Variants in NRG1 observed in about 807,000 individuals in gnomAD.
NRG1 encodes the protein neuregulin 1.
In NRG1, 18 loss-of-function variants were observed where a neutral mutation model predicts 63.8. That is an observed-to-expected ratio of 0.28 (90% CI 0.19 to 0.42). The LOEUF (loss-of-function observed/expected upper bound fraction) is 0.42, where lower values mean the gene tolerates loss of function less well. NRG1 is among the 10% of genes least tolerant of loss of function. NRG1 has a pLI of 1.00. For missense variants in NRG1, 762 were observed against 814.7 expected, an observed-to-expected ratio of 0.94 and a Z score of 0.79; for synonymous variants, 302 against 301.3, an observed-to-expected ratio of 1.00 and a Z score of -0.02.
At chr8:31,941,946 T>C (rs1275366914) in intron 1 of NRG1, among the ~76,000 whole-genome samples, 1 of 152,164 alleles carries the variant, frequency 6.6e-6, no homozygotes, top group Non-Finnish European at 1.5e-5. Flanking sequence ...ATTAATATTG[T>C]GAAAATGACC....
At chr8:32,764,258 C>A in exon 12 of NRG1, 2 of 1,614,070 alleles carry the variant, frequency 1.2e-6, no homozygotes, top group Non-Finnish European at 1.7e-6. Flanking sequence ...GCATACAGAA[C>A]CCCCTGGCAG....
chr8:32,315,162 T>C (rs1015931472), intron 1 of NRG1, among the ~76,000 whole-genome samples: 2 of 152,186 alleles, frequency 1.3e-5, no homozygotes, highest in Non-Finnish European at 1.5e-5. Flanking sequence ...CCATGGTGTT[T>C]TGCTGCCCCT....
chr8:32,171,880 C>T (rs1429748492), intron 1 of NRG1, among the ~76,000 whole-genome samples: 1 of 152,186 alleles, frequency 6.6e-6, no homozygotes, highest in Non-Finnish European at 1.5e-5. Context: ...AACCGCAGCT[C>T]AAGGAGGCCT....
At chr8:32,028,000 C>T (rs1331397350) in intron 1 of NRG1, among the ~76,000 whole-genome samples, 1 of 152,060 alleles carries the variant, frequency 6.6e-6, no homozygotes, top group Non-Finnish European at 1.5e-5. Context: ...TTTATTTTTC[C>T]CTCTATTTCA....
chr8:31,768,635 C>T (rs1482736091), intron 1 of NRG1, among the ~76,000 whole-genome samples: 4 of 152,180 alleles, frequency 2.6e-5, no homozygotes, highest in Non-Finnish European at 5.9e-5. Context: ...ACCATAGTTT[C>T]TCATGTTATG....
chr8:31,868,146 TTACACACACACACACACACA>T (rs1362164338), intron 1 of NRG1, among the ~76,000 whole-genome samples: 12 of 115,878 alleles, frequency 1.0e-4, no homozygotes, highest in South Asian at 2.8e-4. Flanking sequence ...CACATACATC[TTACACACACACACACACACA>T]CACACACACA....
At chr8:32,534,226 A>C (rs1359834018) in intron 1 of NRG1, among the ~76,000 whole-genome samples, 2 of 152,160 alleles carry the variant, frequency 1.3e-5, no homozygotes, top group Admixed American at 6.5e-5. Context: ...TTCCACAACC[A>C]TGCCTTAAGA....
chr8:32,177,620 A>ACTT lies in NRG1; in HGVS notation c.38-418207_38-418205dup, dbSNP rs568943496. On this transcript the variant is annotated intron_variant, in intron 1 of 10. Coordinates refer to the NRG1 transcript ENST00000519301. ...CATGTGTTCTCATTGTTCAACTCCC[A>ACTT]CTTATGAGTGAGAACATGCGGTATT... 4.9e-4 allele frequency among the ~76,000 whole-genome samples: 74 copies of ACTT among 151,746 alleles called. No individual in the cohort carries two copies. In the East Asian group the frequency reaches 0.014, roughly 29 times the overall value.
chr8:32,675,356 T>C (rs1321869906), intron 5 of NRG1, among the ~76,000 whole-genome samples: 3 of 152,206 alleles, frequency 2.0e-5, no homozygotes, highest in African/African-American at 7.2e-5. Flanking sequence ...AAATGTTGAT[T>C]TAGACTCCTT....
At chr8:32,568,457 G>A (rs542099675) in intron 1 of NRG1, among the ~76,000 whole-genome samples, 2 of 152,248 alleles carry the variant, frequency 1.3e-5, no homozygotes, top group East Asian at 1.9e-4. Context: ...TCAAATGATG[G>A]ATGATAGAGA....
At chr8:32,753,287 CA>C (rs1343255279) in intron 7 of NRG1, among the ~76,000 whole-genome samples, 1 of 152,196 alleles carries the variant, frequency 6.6e-6, no homozygotes. Context: ...CCTTAGGGAT[CA>C]GAGTCCCTAT....
chr8:32,615,778 T>C (rs968194589), intron 4 of NRG1, among the ~76,000 whole-genome samples: 3 of 151,924 alleles, frequency 2.0e-5, no homozygotes, highest in Non-Finnish European at 4.4e-5. Context: ...TACTAAGATA[T>C]AAGTGTATGT....
At chr8:31,949,670 C>T (rs1214194866) in intron 1 of NRG1, among the ~76,000 whole-genome samples, 1 of 152,140 alleles carries the variant, frequency 6.6e-6, no homozygotes, top group Non-Finnish European at 1.5e-5. Context: ...ATTTTAGTTT[C>T]GGTTCTGGGT....
At chr8:31,864,549 G>T (rs1010384562) in intron 1 of NRG1, among the ~76,000 whole-genome samples, 1 of 152,138 alleles carries the variant, frequency 6.6e-6, no homozygotes, top group African/African-American at 2.4e-5. Context: ...AGGCAGGGGG[G>T]AATGAGGTGC....
chr8:32,530,406 C>T (rs1831343544), intron 1 of NRG1, among the ~76,000 whole-genome samples: 1 of 152,130 alleles, frequency 6.6e-6, no homozygotes, highest in Non-Finnish European at 1.5e-5. Flanking sequence ...CGCGCCCAGC[C>T]AGCTCCATTA....
chr8:32,302,069 C>G (rs1855634511), intron 1 of NRG1, among the ~76,000 whole-genome samples: 1 of 152,072 alleles, frequency 6.6e-6, no homozygotes, highest in African/African-American at 2.4e-5. Context: ...CTGAATATTT[C>G]ATTTAGTGAT....
chr8:31,757,002 A>G (rs758138094), intron 1 of NRG1, among the ~76,000 whole-genome samples: 12 of 152,188 alleles, frequency 7.9e-5, no homozygotes, highest in Non-Finnish European at 1.2e-4. Context: ...TGTGATCCGC[A>G]TTCAATATCA....
At chr8:31,710,181 T>A (rs917692890) in intron 1 of NRG1, among the ~76,000 whole-genome samples, 31 of 151,998 alleles carry the variant, frequency 2.0e-4, no homozygotes, top group Non-Finnish European at 1.5e-4. Context: ...GAGGGGGTTT[T>A]AAAATTACCA....
chr8:32,103,003 GGTAT>G (rs1454726190), intron 1 of NRG1, among the ~76,000 whole-genome samples: 1 of 151,542 alleles, frequency 6.6e-6, no homozygotes, highest in African/African-American at 2.4e-5. Flanking sequence ...TGGAAAATGG[GGTAT>G]CCATCTCCTC....
Sources: allele counts gnomAD v4.1 joint callset (sites outside exome capture counted in the v4.1 genomes callset), GRCh38; gene constraint gnomAD v4.1.1; transcripts MANE v1.5; gene names NCBI Gene and HGNC (gene_info 2026-07-23, HGNC 2026-07-21).